The following ELP1 variants were observed in gnomAD, a reference collection of about 807,000 sequenced individuals.
ELP1 encodes the protein elongator complex protein 1.
In ELP1, 131 loss-of-function variants were observed where a neutral mutation model predicts 183.2. The observed-to-expected ratio is 0.72, with a 90% CI of 0.62 to 0.83. ELP1 has a LOEUF of 0.83. Among genes scored for constraint, ELP1 ranks in the 40% least tolerant of loss-of-function variants. ELP1 has a pLI of 0.00. For synonymous variants in ELP1, 555 were observed against 569.0 expected, an observed-to-expected ratio of 0.98 and a Z score of 0.35; for missense variants, 1,550 against 1,594.9, an observed-to-expected ratio of 0.97 and a Z score of 0.48.
rs1422104723 is a variant in ELP1 at position 108,934,062 on chromosome 9, C to G, written c.-254G>C. 5.5e-6 allele frequency: 1 copy of G among 181,308 alleles called. No homozygotes were observed. Among genetic ancestry groups the G allele is most frequent in the Non-Finnish European group, 1.2e-5 (1 of 85,896 alleles). The allele number at this position is 181,308 out of a possible 1,614,324, so 11.2% of individuals were successfully genotyped here. ...CGCCCTCCAGGGGAAAACGCTGAAG[C>G]GCTGCAAAGAAGCCAGCGACTCAAT... On this transcript the variant is annotated 5_prime_UTR_variant, in exon 1 of 37. Coordinates refer to ENST00000374647, the MANE Select transcript of ELP1 (RefSeq NM_003640.5).
intron 28 of ELP1, among the ~76,000 whole-genome samples, chr9:108,890,617 T>C (rs1436305941): frequency 3.3e-5 from 5 of 152,302 alleles, no homozygotes; most frequent in Admixed American, 1.3e-4. Context: ...CGGGCAACCC[T>C]TGTCCCTGAC....
chr9:108,931,047 G>C lies in ELP1; in HGVS notation c.100C>G (p.Leu34Val), dbSNP rs140944971. 3 of 1,614,080 alleles carry C rather than the reference G, an allele frequency of 1.9e-6. No individual in the cohort carries two copies. Among genetic ancestry groups the C allele is most frequent in the Non-Finnish European group, 2.5e-6 (3 of 1,179,970 alleles). The change falls in exon 2 of 37, where the codon CTC becomes GTC. Residue 34 changes from leucine to valine, a missense_variant. Coordinates refer to ENST00000374647, the MANE Select transcript of ELP1 (RefSeq NM_003640.5). ...ATCAGGCCATGTTCTGAACCAATGA[G>C]CACCGTCCCCTGTTCAGTTCGGAGA... ...FSLRTEQGTV[L>V]IGSEHGLIEV...
intron 10 of ELP1, among the ~76,000 whole-genome samples, chr9:108,915,141 C>A (rs1434065457): frequency 1.3e-5 from 2 of 152,132 alleles, no homozygotes; most frequent in Non-Finnish European, 2.9e-5. Context: ...AATATTCTTA[C>A]TTTTACGCTT....
chr9:108,875,812 G>A (rs1410963545), intron 35 of ELP1: 2 of 337,244 alleles, frequency 5.9e-6, no homozygotes, highest in Admixed American at 4.1e-5. Context: ...ACTGCGGTGG[G>A]AGGACTGCTT....
At position 108,902,860 on chromosome 9, in the gene ELP1, T is replaced by C. The variant is rs1587898434; in HGVS notation, c.1833A>G (p.Glu611=). The change falls in exon 16 of 37, where the codon GAA becomes GAG. Residue 611 remains glutamate (E), a synonymous_variant. Transcript: ENST00000374647. ...CTACCTCTTCTCCAATCATGGCCAA[T>C]TCGGTCTGGGTGCATGGATAAGGAA... The part of the protein sequence containing the change: ...VRFPYPCTQT[E]LAMIGEEECV... 1 of 1,612,894 alleles carries C rather than the reference T, an allele frequency of 6.2e-7. No individual in the cohort carries two copies. Among genetic ancestry groups the C allele is most frequent in the East Asian group, 2.2e-5 (1 of 44,842 alleles).
At chr9:108,884,077 A>C (rs1267685561) in intron 29 of ELP1, among the ~76,000 whole-genome samples, 1 of 149,960 alleles carries the variant, frequency 6.7e-6, no homozygotes, top group Non-Finnish European at 1.5e-5. Flanking sequence ...GCTAGATTAA[A>C]AGTAAAAGGA....
At chr9:108,873,590 G>T (rs1827570346) in intron 36 of ELP1, among the ~76,000 whole-genome samples, 2 of 152,172 alleles carry the variant, frequency 1.3e-5, no homozygotes, top group Admixed American at 1.3e-4. Context: ...GGGAATGATG[G>T]GACTGACCTA....
At chr9:108,885,165 AAATAAAAT>A (rs771548835) in intron 29 of ELP1, among the ~76,000 whole-genome samples, 1 of 151,746 alleles carries the variant, frequency 6.6e-6, no homozygotes, top group African/African-American at 2.4e-5. Context: ...AATAAAGAGC[AAATAAAAT>A]AATAAAATAA....
chr9:108,906,602 A>AT, intron 13 of ELP1, 117 bp from the exon 14 acceptor site: 1 of 810,156 alleles, frequency 1.2e-6, no homozygotes, highest in Non-Finnish European at 2.1e-6. Context: ...AATTATTTGG[A>AT]GGGACAAAAC....
In ELP1 at chr9:108,906,585, C is replaced by T. The variant is rs1272774714; in HGVS notation, c.1461-100G>A. The T allele has an allele frequency of 3.3e-6, 3 of 914,860 alleles. No homozygotes were observed. The African/African-American group carries it at 4.9e-5, about 15-fold the overall frequency. 56.7% of individuals were successfully genotyped at this position (914,860 alleles called of 1,614,324 possible). ...AGACTGAAGCATCTTGTATACAGTC[C>T]ACTCCTAATTATTTGGAGGGACAAA... On this transcript the variant is annotated intron_variant, in intron 13 of 36. Transcript: ENST00000374647.
At chr9:108,880,934 C>T (rs889105240) in intron 31 of ELP1, among the ~76,000 whole-genome samples, 27 of 152,126 alleles carry the variant, frequency 1.8e-4, no homozygotes, top group African/African-American at 4.8e-4. Context: ...AAAGGCCAGA[C>T]GTTACTTACA....
At chr9:108,903,084 T>C (rs1828872966) in intron 15 of ELP1, 142 bp from the exon 16 acceptor site, 1 of 482,824 alleles carries the variant, frequency 2.1e-6, no homozygotes, top group Non-Finnish European at 3.5e-6. Flanking sequence ...TTTATATATA[T>C]ATTTTTATTA....
Position 108,931,203 on chromosome 9 carries a change from T to G in ELP1, c.-55-2A>C. 1.8e-5 allele frequency: 27 copies of G among 1,506,278 alleles called. No homozygotes were observed. The highest frequency in any genetic ancestry group is 2.3e-5 in the Non-Finnish European group (25 of 1,082,230). 93.3% of individuals were successfully genotyped at this position (1,506,278 alleles called of 1,614,324 possible). A position where few individuals can be genotyped will look rare whatever the true frequency, so the allele number is the denominator to read the frequency against. On this transcript the variant is annotated splice_acceptor_variant, in intron 1 of 36. Transcript: ENST00000374647. LOFTEE classifies it low-confidence loss of function (5UTR_SPLICE). ...TATCCCTTGATGAATCATTAATCTC[T>G]AAGAGAAAAATAAATAGCTTAATAG...
intron 28 of ELP1, 107 bp downstream of exon 28, chr9:108,891,096 A>G (rs1828313137): frequency 1.9e-6 from 2 of 1,051,742 alleles, no homozygotes; most frequent in Non-Finnish European, 3.0e-6. Flanking sequence ...TGAGAACAAG[A>G]CTGTCTCAGA....
chr9:108,919,803 C>T (rs1050266594), intron 6 of ELP1, among the ~76,000 whole-genome samples: 1 of 152,150 alleles, frequency 6.6e-6, no homozygotes, highest in Admixed American at 6.5e-5. Flanking sequence ...GTGGTAAAGG[C>T]AGCAGCAGAC....
chr9:108,893,976 ATCGTT>A lies in ELP1; in HGVS notation c.2822_2826del (p.Lys941IlefsTer2). On this transcript the variant is annotated frameshift_variant, in exon 26 of 37. Transcript: ENST00000374647. LOFTEE classifies it high-confidence loss of function. ...CTGAGGTGGCCAATGGCTTTTTCATATCGTTTCAAGTATTTGTCTATAGTAAACCG... is the reference window on the plus strand; with the variant it reads ...CTGAGGTGGCCAATGGCTTTTTCATATCAAGTATTTGTCTATAGTAAACCG... The A allele has an allele frequency of 6.2e-7, 1 of 1,613,526 alleles. No individual in the cohort carries two copies. Among genetic ancestry groups the A allele is most frequent in the Non-Finnish European group, 8.5e-7 (1 of 1,179,570 alleles).
intron 2 of ELP1, among the ~76,000 whole-genome samples, chr9:108,930,721 A>G (rs377402078): frequency 1.3e-5 from 2 of 152,098 alleles, no homozygotes; most frequent in Admixed American, 6.5e-5. Context: ...CCACTCTTAT[A>G]AACAGAATTT....
Position 108,931,067 on chromosome 9 carries a change from C to G in ELP1, c.80G>C (p.Arg27Pro). 6.2e-7 allele frequency: 1 copy of G among 1,614,144 alleles called. No homozygotes were observed. The highest frequency in any genetic ancestry group is 8.5e-7 in the Non-Finnish European group (1 of 1,179,998). ...GPGNPQCFSL[R>P]TEQGTVLIGS... ...AATGAGCACCGTCCCCTGTTCAGTT[C>G]GGAGAGAGAAGCACTGAGGATTCCC... The change falls in exon 2 of 37, where the codon CGA becomes CCA. Residue 27 changes from arginine to proline, a missense_variant. By Grantham distance (103) the Arg-to-Pro change is moderately radical. Transcript: ENST00000374647.
intron 35 of ELP1, among the ~76,000 whole-genome samples, 153 bp downstream of exon 35, chr9:108,877,842 A>G (rs1386184062): frequency 6.6e-6 from 1 of 152,210 alleles, no homozygotes; most frequent in Non-Finnish European, 1.5e-5. Flanking sequence ...CAAATATCAA[A>G]TCTTACTGAC....
Sources: allele counts gnomAD v4.1 joint callset (sites outside exome capture counted in the v4.1 genomes callset), GRCh38; gene constraint gnomAD v4.1.1; transcripts MANE v1.5; gene names NCBI Gene and HGNC (gene_info 2026-07-23, HGNC 2026-07-21).